Variants in CACHD1 observed in about 807,000 individuals in gnomAD.
CACHD1 encodes VWFA and cache domain-containing protein 1.
In CACHD1, 71 loss-of-function variants were observed where a neutral mutation model predicts 138.7. The observed-to-expected ratio is 0.51, with a 90% confidence interval of 0.42 to 0.62. The LOEUF (loss-of-function observed/expected upper bound fraction) is 0.62, where lower values mean the gene tolerates loss of function less well. Among genes scored for constraint, CACHD1 ranks in the 20% least tolerant of loss-of-function variants. The probability of loss-of-function intolerance (pLI) is 0.00; values close to 1 mark genes in which losing one functional copy is unlikely to be tolerated. For missense variants in CACHD1, 1,389 were observed against 1,625.3 expected (o/e 0.85, Z 2.50); for synonymous variants, 578 against 591.5 (o/e 0.98, Z 0.33).
At chr1:64,689,427 CCA>C in intron 26 of CACHD1, among the ~76,000 whole-genome samples, 1 of 152,304 alleles carries the variant, frequency 6.6e-6, no homozygotes, top group East Asian at 1.9e-4. Flanking sequence ...CTTGCCTCCA[CCA>C]CTGAGATAGC....
rs140966471 is a variant in CACHD1 at position 64,543,402 on chromosome 1, C to CATATATATATATATATATATATAT, written c.199-7191_199-7168dup. Among the ~76,000 whole-genome samples, 362 of 126,758 alleles carry CATATATATATATATATATATATAT rather than the reference C, an allele frequency of 2.9e-3. 5 individuals are homozygous for CATATATATATATATATATATATAT. Among genetic ancestry groups the CATATATATATATATATATATATAT allele is most frequent in the African/African-American group, 8.7e-3 (266 of 30,532 alleles). 83.2% of individuals were successfully genotyped at this position (126,758 alleles called of 152,430 possible). ...GAGATCCTATCTCTAAAAAAAAATA[C>CATATATATATATATATATATATAT]ATATATATATATATATATATATATT... On this transcript the variant is annotated intron_variant, in intron 1 of 26. Coordinates refer to ENST00000651257, the MANE Select transcript of CACHD1 (RefSeq NM_020925.4).
chr1:64,626,035 T>G (rs570527250), intron 4 of CACHD1, among the ~76,000 whole-genome samples: 1 of 152,314 alleles, frequency 6.6e-6, no homozygotes, highest in African/African-American at 2.4e-5. Context: ...TGGGCATAAG[T>G]TTCTGGGAGT....
At chr1:64,543,471 G>C (rs1646694143) in intron 1 of CACHD1, among the ~76,000 whole-genome samples, 1 of 149,912 alleles carries the variant, frequency 6.7e-6, no homozygotes, top group African/African-American at 2.5e-5. Context: ...AGCTACTTGG[G>C]AGGCTGAGGC....
chr1:64,480,747 T>G (rs1460488307), intron 1 of CACHD1, among the ~76,000 whole-genome samples: 1 of 152,146 alleles, frequency 6.6e-6, no homozygotes, highest in Non-Finnish European at 1.5e-5. Context: ...TGTTTTGTGT[T>G]TGTTTATGTA....
chr1:64,667,243 T>C (rs1426100679), intron 16 of CACHD1, among the ~76,000 whole-genome samples: 1 of 152,230 alleles, frequency 6.6e-6, no homozygotes, highest in Non-Finnish European at 1.5e-5. Context: ...CCTGTAATGA[T>C]GCCTTAACAT....
At chr1:64,544,479 G>A (rs149770193) in intron 1 of CACHD1, among the ~76,000 whole-genome samples, 1 of 152,158 alleles carries the variant, frequency 6.6e-6, no homozygotes, top group African/African-American at 2.4e-5. Flanking sequence ...AATTAATTTG[G>A]GAGATTTGGT....
At chr1:64,677,447 G>C (rs1245852428) in intron 22 of CACHD1, among the ~76,000 whole-genome samples, 1 of 152,194 alleles carries the variant, frequency 6.6e-6, no homozygotes, top group Non-Finnish European at 1.5e-5. Flanking sequence ...GTGGGATTAG[G>C]AGTTTGGGAC....
intron 3 of CACHD1, among the ~76,000 whole-genome samples, chr1:64,600,094 A>C (rs1422595017): frequency 6.6e-6 from 1 of 152,124 alleles, no homozygotes; most frequent in African/African-American, 2.4e-5. Context: ...CTCAACTGTG[A>C]AATGGGTAGG....
At chr1:64,472,151 G>C (rs1432247044) in intron 1 of CACHD1, among the ~76,000 whole-genome samples, 1 of 150,838 alleles carries the variant, frequency 6.6e-6, no homozygotes, top group East Asian at 2.0e-4. Context: ...AGGTGTTTAA[G>C]TCACTTTTGG....
chr1:64,611,861 C>G (rs1215677737), intron 4 of CACHD1, among the ~76,000 whole-genome samples: 1 of 152,198 alleles, frequency 6.6e-6, no homozygotes, highest in East Asian at 1.9e-4. Context: ...ATTAATCCAT[C>G]CTCATACTGC....
chr1:64,516,402 G>T (rs1570322368), intron 1 of CACHD1, among the ~76,000 whole-genome samples: 1 of 152,138 alleles, frequency 6.6e-6, no homozygotes, highest in East Asian at 1.9e-4. Context: ...TCTAGACTTG[G>T]AACCTGTCGT....
chr1:64,518,206 C>T (rs571702270), intron 1 of CACHD1, among the ~76,000 whole-genome samples: 11 of 152,176 alleles, frequency 7.2e-5, no homozygotes, highest in African/African-American at 2.7e-4. Flanking sequence ...CTTCTTTCCT[C>T]TAAGATAATA....
intron 1 of CACHD1, among the ~76,000 whole-genome samples, chr1:64,496,041 TATA>T (rs1646304716): frequency 6.6e-6 from 1 of 152,272 alleles, no homozygotes; most frequent in Admixed American, 6.5e-5. Context: ...CTTTGCATTT[TATA>T]ATGATTTGTT....
chr1:64,623,774 C>G (rs1052748286), intron 4 of CACHD1, among the ~76,000 whole-genome samples: 4 of 152,196 alleles, frequency 2.6e-5, no homozygotes, highest in Admixed American at 6.5e-5. Flanking sequence ...GCACATGTGT[C>G]TGTCTGAGGT....
At chr1:64,527,018 G>A (rs1233561994) in intron 1 of CACHD1, among the ~76,000 whole-genome samples, 1 of 152,204 alleles carries the variant, frequency 6.6e-6, no homozygotes, top group Non-Finnish European at 1.5e-5. Flanking sequence ...GCAGTTCGGA[G>A]TCAGTAGATC....
intron 1 of CACHD1, among the ~76,000 whole-genome samples, chr1:64,548,792 T>C (rs1359159048): frequency 6.6e-6 from 1 of 152,234 alleles, no homozygotes; most frequent in Non-Finnish European, 1.5e-5. Context: ...CGTATTTTGC[T>C]AACAAATGTG....
At chr1:64,678,880 AT>A (rs555907365) in intron 23 of CACHD1, among the ~76,000 whole-genome samples, 5 of 150,636 alleles carry the variant, frequency 3.3e-5, no homozygotes, top group East Asian at 3.9e-4. Context: ...CTTACCTGAG[AT>A]TTTTTTTTTC....
chr1:64,675,384 C>G lies in CACHD1; in HGVS notation c.2728-17C>G. The G allele has an allele frequency of 6.4e-7, 1 of 1,553,078 alleles. No individual in the cohort carries two copies. The highest frequency in any genetic ancestry group is 8.8e-7 in the Non-Finnish European group (1 of 1,134,092). ...GCATTGCTGTCTGTCATTTCTGATACCTTGATTGTTCTGTAGGGGGATTTG... is the reference window on the plus strand; with the variant it reads ...GCATTGCTGTCTGTCATTTCTGATAGCTTGATTGTTCTGTAGGGGGATTTG... On this transcript the variant is annotated splice_polypyrimidine_tract_variant and intron_variant, in intron 19 of 26. Coordinates refer to ENST00000651257, the MANE Select transcript of CACHD1 (RefSeq NM_020925.4).
chr1:64,599,450 C>T (rs1647192693), intron 3 of CACHD1, among the ~76,000 whole-genome samples: 1 of 151,980 alleles, frequency 6.6e-6, no homozygotes, highest in Non-Finnish European at 1.5e-5. Context: ...TTGAGCTGGG[C>T]TTTGAAGAAA....
Sources: allele counts gnomAD v4.1 joint callset (sites outside exome capture counted in the v4.1 genomes callset), GRCh38; gene constraint gnomAD v4.1.1; transcripts MANE v1.5; gene names NCBI Gene and HGNC (gene_info 2026-07-23, HGNC 2026-07-21).